MALRD1: variants seen among roughly 807,000 people sequenced by gnomAD.
MALRD1 encodes the protein MAM and LDL receptor class A domain containing 1.
A neutral mutation model predicts 242.1 loss-of-function variants in MALRD1; 247 were observed. That is an observed-to-expected ratio of 1.02 (90% CI 0.92 to 1.13). MALRD1 has a LOEUF of 1.13. MALRD1 is among the 50% of genes most tolerant of loss of function. The probability of loss-of-function intolerance (pLI) is 0.00; values close to 1 mark genes in which losing one functional copy is unlikely to be tolerated. For synonymous variants in MALRD1, 995 were observed against 866.6 expected, an observed-to-expected ratio of 1.15 and a Z score of -2.60; for missense variants, 2,989 against 2,533.1, an observed-to-expected ratio of 1.18 and a Z score of -3.86.
At chr10:19,228,166 C>T (rs147956305) in intron 18 of MALRD1, among the ~76,000 whole-genome samples, 1 of 152,254 alleles carries the variant, frequency 6.6e-6, no homozygotes, top group Non-Finnish European at 1.5e-5. Flanking sequence ...CAGATGTGTC[C>T]ATCAACTTGT....
rs1053694825 is a variant in MALRD1, at chr10:19,692,471, C to T, written c.6231C>T (p.Leu2077=). The T allele has an allele frequency of 2.6e-6, 4 of 1,535,550 alleles. No individual in the cohort carries two copies. Among genetic ancestry groups the T allele is most frequent in the Admixed American group, 3.9e-5 (2 of 50,900 alleles). ...FTYAQNNTWT[L]LGIGLAFLMT... Reference sequence around the variant, plus strand: ...TTAAAATTCCAGATACATGGACTCTCCTGGGTATTGGATTAGCATTCCTGA... The same window carrying T: ...TTAAAATTCCAGATACATGGACTCTTCTGGGTATTGGATTAGCATTCCTGA... Residue 2077 remains leucine (L), a synonymous_variant, in exon 38 of 40, where the codon CTC becomes CTT. Coordinates refer to ENST00000454679, the MANE Select transcript of MALRD1 (RefSeq NM_001142308.3).
In MALRD1 at chr10:19,257,730, C is replaced by T. The variant is rs767633041; in HGVS notation, c.3038C>T (p.Ala1013Val). Residue 1013 changes from alanine (A) to valine (V), a missense_variant, in exon 19 of 40, where the codon GCG becomes GTG. By Grantham distance (64) the Ala-to-Val change is moderately conservative. Coordinates refer to ENST00000454679, the MANE Select transcript of MALRD1 (RefSeq NM_001142308.3). The stretch of plus-strand genomic sequence containing the variant: ...GGAGATGGCTTCACTGGAGATATTG[C>T]GATTGATGATCTGTCATTTATGGAC... ...SVGDGFTGDI[A>V]IDDLSFMDCT... 6.5e-6 allele frequency: 10 copies of T among 1,541,312 alleles called. No homozygotes were observed. The highest frequency in any genetic ancestry group is 4.9e-5 in the South Asian group (4 of 82,368).
intron 18 of MALRD1, among the ~76,000 whole-genome samples, chr10:19,238,913 C>T (rs1002422172): frequency 6.6e-6 from 1 of 151,714 alleles, no homozygotes; most frequent in Admixed American, 6.6e-5. Context: ...TGGTAATAGC[C>T]ATTCTAATGG....
intron 11 of MALRD1, among the ~76,000 whole-genome samples, chr10:19,148,108 T>G (rs961024497): frequency 1.3e-5 from 2 of 152,062 alleles, no homozygotes; most frequent in Non-Finnish European, 2.9e-5. Context: ...CTGTTGTGTC[T>G]GAGATGAGGA....
intron 21 of MALRD1, among the ~76,000 whole-genome samples, chr10:19,296,470 A>G (rs1412652882): frequency 1.3e-5 from 2 of 151,996 alleles, no homozygotes; most frequent in Non-Finnish European, 2.9e-5. Flanking sequence ...TGTCTTCATC[A>G]TTTTGTGGGG....
At chr10:19,678,257 C>G (rs10764126) in intron 36 of MALRD1, among the ~76,000 whole-genome samples, 94,716 of 152,024 alleles carry the variant, frequency 0.62, 30,192 homozygotes, top group African/African-American at 0.78. Flanking sequence ...AATTACTTTG[C>G]GCAGTATGGC....
intron 31 of MALRD1, among the ~76,000 whole-genome samples, chr10:19,506,619 C>A (rs1272500190): frequency 6.6e-6 from 1 of 151,840 alleles, no homozygotes; most frequent in East Asian, 1.9e-4. Flanking sequence ...TGTATATATT[C>A]TAATTCAAAT....
intron 38 of MALRD1, among the ~76,000 whole-genome samples, chr10:19,718,116 AGAAGAAGAAGAG>A (rs1238951672): frequency 1.3e-5 from 2 of 149,538 alleles, no homozygotes; most frequent in South Asian, 2.1e-4. Flanking sequence ...AGGAAGAAGA[AGAAGAAGAAGAG>A]GAAGAAGAGG....
chr10:19,679,117 C>A (rs1842258205), intron 36 of MALRD1, among the ~76,000 whole-genome samples: 3 of 151,978 alleles, frequency 2.0e-5, no homozygotes, highest in Admixed American at 2.0e-4. Flanking sequence ...CTGATGTTTT[C>A]TTTTTTGTTG....
chr10:19,253,776 C>T (rs1490681572), intron 18 of MALRD1, among the ~76,000 whole-genome samples: 1 of 151,956 alleles, frequency 6.6e-6, no homozygotes, highest in Non-Finnish European at 1.5e-5. Flanking sequence ...TCAATCTCCT[C>T]CTTTTACACC....
chr10:19,323,876 C>A, intron 21 of MALRD1, 73 bp from the exon 22 acceptor site: 2 of 1,410,414 alleles, frequency 1.4e-6, no homozygotes, highest in Non-Finnish European at 1.9e-6. Context: ...CTCCCAAATT[C>A]CTGGGATTAC....
intron 31 of MALRD1, among the ~76,000 whole-genome samples, chr10:19,522,317 T>A (rs1833917633): frequency 6.6e-6 from 1 of 152,184 alleles, no homozygotes; most frequent in South Asian, 2.1e-4. Context: ...AATTTTTGGC[T>A]GATAGTAGAC....
rs1479787737 is a variant in MALRD1, at chr10:19,280,102, A to G, written c.3135A>G (p.Leu1045=). ...TPPETSVPVT[L]PPHNCTDNEF... is the part of the protein sequence containing the mutation. ...CAGAAACGTCAGTTCCTGTAACATT[A>G]CCTCCACACAACTGCACAGACAATG... Residue 1045 remains leucine (L), a synonymous_variant, in exon 20 of 40, where the codon TTA becomes TTG. Transcript: ENST00000454679. The G allele has an allele frequency of 6.5e-7, 1 of 1,537,426 alleles. No homozygotes were observed.
chr10:19,488,838 C>T (rs978868757), intron 29 of MALRD1: 2 of 348,858 alleles, frequency 5.7e-6, no homozygotes, highest in Non-Finnish European at 1.1e-5. Flanking sequence ...GCAAAGAAGT[C>T]AAATGTCATG....
intron 4 of MALRD1, among the ~76,000 whole-genome samples, chr10:19,103,404 A>T (rs763105545): frequency 1.3e-5 from 2 of 151,872 alleles, no homozygotes; most frequent in African/African-American, 2.4e-5. Flanking sequence ...TACTAAAAAT[A>T]CAAAAAATTA....
chr10:19,572,887 C>CAG (rs1358057290), intron 33 of MALRD1, among the ~76,000 whole-genome samples: 11 of 152,106 alleles, frequency 7.2e-5, no homozygotes, highest in Admixed American at 2.0e-4. Flanking sequence ...CCAGAGTCTT[C>CAG]AGAGAGAGCA....
chr10:19,114,670 G>C (rs190509803), intron 5 of MALRD1, among the ~76,000 whole-genome samples: 2 of 152,156 alleles, frequency 1.3e-5, no homozygotes, highest in Admixed American at 6.5e-5. Flanking sequence ...TTTCACATAT[G>C]TGGACCACTA....
chr10:19,280,701 T>C (rs1440093455), intron 20 of MALRD1, among the ~76,000 whole-genome samples: 2 of 152,140 alleles, frequency 1.3e-5, no homozygotes, highest in East Asian at 3.8e-4. Context: ...CTTTATCCCC[T>C]GTGTCCTGGT....
At chr10:19,436,810 G>C (rs1308926476) in intron 28 of MALRD1, among the ~76,000 whole-genome samples, 1 of 152,128 alleles carries the variant, frequency 6.6e-6, no homozygotes. Context: ...ATAACATGCT[G>C]TTAAGTTGTA....
Sources: gnomAD v4.1 joint callset for allele counts (sites outside exome capture counted in the v4.1 genomes callset) on GRCh38, gnomAD v4.1.1 for gene constraint, MANE v1.5 for transcripts, NCBI Gene and HGNC (gene_info 2026-07-23, HGNC 2026-07-21) for gene names.